The following CNTNAP3 variants were observed in gnomAD, a reference collection of about 807,000 sequenced individuals.
The protein encoded by CNTNAP3 is contactin-associated protein-like 3.
A neutral mutation model predicts 92.1 loss-of-function variants in CNTNAP3; 36 were observed. The ratio of observed to expected loss-of-function variants is 0.39; its 90% CI spans 0.30 to 0.52. The LOEUF (loss-of-function observed/expected upper bound fraction) is 0.52. CNTNAP3 is among the 20% of genes least tolerant of loss of function. CNTNAP3 has a pLI of 0.76. For missense variants in CNTNAP3, 534 were observed against 1,069.6 expected (o/e 0.50, Z 6.98); for synonymous variants, 232 against 422.3 (o/e 0.55, Z 5.53).
At chr9:39,157,707 A>T (rs190501220) in intron 9 of CNTNAP3, among the ~76,000 whole-genome samples, 16 of 19,522 alleles carry the variant, frequency 8.2e-4, no homozygotes, top group Non-Finnish European at 1.1e-3. Flanking sequence ...GGAAAAAAAA[A>T]TAGTAAAATG....
chr9:39,122,170 T>A (rs1164591613), intron 13 of CNTNAP3, among the ~76,000 whole-genome samples: 1 of 151,930 alleles, frequency 6.6e-6, no homozygotes, highest in African/African-American at 2.4e-5. Context: ...CTGGCTAACA[T>A]GGTGAAACCC....
Position 39,166,383 on chromosome 9 carries a change from AAC to A in CNTNAP3, c.1334-309_1334-308del, listed in dbSNP as rs553848416. On this transcript the variant is annotated intron_variant, in intron 8 of 23. Coordinates refer to ENST00000297668, the MANE Select transcript of CNTNAP3 (RefSeq NM_033655.5). ...GGAGCCTTTACAATGGGATAAAAACAACACAGTTTGGTTTAATCTTCAAATGC... is the reference window on the plus strand; with the variant it reads ...GGAGCCTTTACAATGGGATAAAAACAACAGTTTGGTTTAATCTTCAAATGC... 6.5e-3 allele frequency among the ~76,000 whole-genome samples: 324 copies of A among 49,898 alleles called. 7 individuals are homozygous for A. The highest frequency in any genetic ancestry group is 0.023 in the African/African-American group (312 of 13,420). 32.7% of individuals were successfully genotyped at this position (49,898 alleles called of 152,430 possible).
chr9:39,138,677 C>T (rs192266697), intron 12 of CNTNAP3, among the ~76,000 whole-genome samples: 720 of 152,288 alleles, frequency 4.7e-3, no homozygotes, highest in African/African-American at 0.016. Flanking sequence ...GTGTGGGGAC[C>T]CTTCTCTGTC....
chr9:39,212,163 G>A (rs62570045), intron 3 of CNTNAP3, among the ~76,000 whole-genome samples: 1 of 20,252 alleles, frequency 4.9e-5, no homozygotes, highest in Non-Finnish European at 1.2e-4. Context: ...CCACAGCACC[G>A]GATCCTTCAT....
At chr9:39,107,252 A>T (rs527883638) in intron 15 of CNTNAP3, among the ~76,000 whole-genome samples, 17 of 151,868 alleles carry the variant, frequency 1.1e-4, no homozygotes, top group African/African-American at 3.6e-4. Context: ...AAAGAAAGAA[A>T]GAAAAAGAAA....
At chr9:39,136,231 T>C (rs1048707533) in intron 12 of CNTNAP3, among the ~76,000 whole-genome samples, 4 of 151,982 alleles carry the variant, frequency 2.6e-5, no homozygotes, top group African/African-American at 7.2e-5. Flanking sequence ...AGTCGCAATA[T>C]TGTAAGTAGA....
chr9:39,139,576 A>G (rs1165291699), intron 12 of CNTNAP3, among the ~76,000 whole-genome samples: 2 of 152,108 alleles, frequency 1.3e-5, no homozygotes, highest in Non-Finnish European at 1.5e-5. Flanking sequence ...CAAATTTATG[A>G]AACTTTTGAA....
At chr9:39,132,115 G>A (rs1471611951) in intron 13 of CNTNAP3, among the ~76,000 whole-genome samples, 5 of 151,914 alleles carry the variant, frequency 3.3e-5, no homozygotes, top group Non-Finnish European at 7.4e-5. Context: ...GGACTTCCTG[G>A]GCTCCAGTGA....
At chr9:39,113,636 C>G (rs1820765656) in intron 14 of CNTNAP3, among the ~76,000 whole-genome samples, 1 of 151,968 alleles carries the variant, frequency 6.6e-6, no homozygotes, top group Admixed American at 6.6e-5. Context: ...GTGTCTTTAA[C>G]TGACACACGC....
At chr9:39,091,246 G>A (rs1826193288) in intron 18 of CNTNAP3, among the ~76,000 whole-genome samples, 1 of 151,240 alleles carries the variant, frequency 6.6e-6, no homozygotes, top group Non-Finnish European at 1.5e-5. Context: ...TAGAACTAGT[G>A]AGAGTATACA....
chr9:39,103,727 CAG>C lies in CNTNAP3; in HGVS notation c.2536+15_2536+16del, dbSNP rs1484592096. The C allele has an allele frequency of 6.2e-7, 1 of 1,608,338 alleles. No homozygotes were observed. Among genetic ancestry groups the C allele is most frequent in the African/African-American group, 1.3e-5 (1 of 74,732 alleles). On this transcript the variant is annotated intron_variant, in intron 16 of 23. Transcript: ENST00000297668. ...AATAATGGGTACCCTGTGACTTGTC[CAG>C]AGTGGCGAGCTTACCACGCAGCTCA... is the stretch of plus-strand genomic sequence containing the variant.
intron 14 of CNTNAP3, among the ~76,000 whole-genome samples, chr9:39,111,625 G>A (rs1826749883): frequency 6.6e-6 from 1 of 152,138 alleles, no homozygotes; most frequent in Non-Finnish European, 1.5e-5. Context: ...TGTGGTGGTA[G>A]CCATTAAAAA....
intron 18 of CNTNAP3, among the ~76,000 whole-genome samples, chr9:39,097,816 A>C (rs1826360553): frequency 6.7e-6 from 1 of 149,446 alleles, no homozygotes. Context: ...ACTGATTAAT[A>C]AATGTTTCTT....
Position 39,159,663 on chromosome 9 carries a change from GATAGATAGATAT to G in CNTNAP3, c.1477+6258_1477+6269del, listed in dbSNP as rs1273141572. 1.1e-4 allele frequency: 15 copies of G among 138,972 alleles called. 2 individuals carry two copies. The highest frequency in any genetic ancestry group is 4.2e-4 in the African/African-American group (14 of 33,564). 8.6% of individuals were successfully genotyped at this position (138,972 alleles called of 1,614,324 possible). A position where few individuals can be genotyped will look rare whatever the true frequency, so the allele number is the denominator to read the frequency against. On this transcript the variant is annotated intron_variant, in intron 9 of 23. Coordinates refer to ENST00000297668, the MANE Select transcript of CNTNAP3 (RefSeq NM_033655.5). ...AGATAGATAGATAGATAGATAGATA[GATAGATAGATAT>G]ATGTAATCTTTTTCAGTATATTCTC...
At position 39,069,575 on chromosome 9, in the gene CNTNAP3, A is replaced by G. The variant is rs1825594006; in HGVS notation, c.*4315T>C. On this transcript the variant is annotated 3_prime_UTR_variant, in exon 24 of 24. Transcript: ENST00000297668. The stretch of plus-strand genomic sequence containing the variant: ...AAAATATAATTTTAGGTCATAACCT[A>G]TAGGCAATAAACTATGTTATCATTT... 6.6e-6 allele frequency among the ~76,000 whole-genome samples: 1 copy of G among 151,992 alleles called. No individual in the cohort carries two copies. Among genetic ancestry groups the G allele is most frequent in the Non-Finnish European group, 1.5e-5 (1 of 67,986 alleles).
intron 2 of CNTNAP3, among the ~76,000 whole-genome samples, chr9:39,244,476 AT>A (rs1822767799): frequency 1.7e-5 from 1 of 58,004 alleles, no homozygotes. Context: ...CTCCAGTGTG[AT>A]TATATGTAAT....
intron 14 of CNTNAP3, among the ~76,000 whole-genome samples, chr9:39,116,586 A>G (rs543271912): frequency 6.6e-6 from 1 of 152,308 alleles, no homozygotes; most frequent in African/African-American, 2.4e-5. Context: ...GAAACTATGG[A>G]TCAGATCTGT....
At chr9:39,183,928 C>CACCCAG (rs1452933330) in intron 4 of CNTNAP3, among the ~76,000 whole-genome samples, 3 of 148,030 alleles carry the variant, frequency 2.0e-5, no homozygotes, top group African/African-American at 5.0e-5. Context: ...CCAACACTGT[C>CACCCAG]ACCCAGACCC....
intron 18 of CNTNAP3, among the ~76,000 whole-genome samples, chr9:39,096,720 G>T (rs1758518): frequency 6.6e-6 from 1 of 151,898 alleles, no homozygotes; most frequent in East Asian, 1.9e-4. Flanking sequence ...TCACTGTCCT[G>T]TGGCCTCCAT....
Sources: allele counts gnomAD v4.1 joint callset (sites outside exome capture counted in the v4.1 genomes callset), GRCh38; gene constraint gnomAD v4.1.1; transcripts MANE v1.5; gene names NCBI Gene and HGNC (gene_info 2026-07-23, HGNC 2026-07-21).